Variants in NRIP1 observed in about 807,000 individuals in gnomAD.
NRIP1 encodes nuclear receptor interacting protein 1.
In NRIP1, 28 loss-of-function variants were observed where a neutral mutation model predicts 75.0. That is an observed-to-expected ratio of 0.37 (90% CI 0.28 to 0.51). The LOEUF is 0.51. Among genes scored for constraint, NRIP1 ranks in the 20% least tolerant of loss-of-function variants. The pLI is 0.92. For missense variants in NRIP1, 1,435 were observed against 1,343.7 expected (o/e 1.07, Z -1.06); for synonymous variants, 526 against 487.6 (o/e 1.08, Z -1.04).
intron 2 of NRIP1, among the ~76,000 whole-genome samples, chr21:15,020,051 A>G (rs771242227): frequency 6.6e-6 from 1 of 151,908 alleles, no homozygotes; most frequent in Non-Finnish European, 1.5e-5. Flanking sequence ...TAAGACGTCA[A>G]TTCTCCCTAC....
intron 3 of NRIP1, among the ~76,000 whole-genome samples, chr21:14,993,691 G>A (rs1371379010): frequency 3.3e-5 from 5 of 151,924 alleles, no homozygotes; most frequent in East Asian, 1.9e-4. Context: ...AGGCTGACAC[G>A]GAAGGATCGC....
intron 3 of NRIP1, among the ~76,000 whole-genome samples, chr21:15,010,106 T>G (rs2088067411): frequency 6.6e-6 from 1 of 152,124 alleles, no homozygotes; most frequent in South Asian, 2.1e-4. Context: ...GGTTTGAAAA[T>G]TACTCATATA....
At chr21:15,044,214 G>C (rs1490069111) in intron 1 of NRIP1, among the ~76,000 whole-genome samples, 2 of 151,784 alleles carry the variant, frequency 1.3e-5, no homozygotes, top group African/African-American at 2.4e-5. Context: ...TTCAGTCAAG[G>C]ATTCTGGGAG....
Position 15,008,636 on chromosome 21 carries a change from T to TA in NRIP1, c.-335+5707dup, listed in dbSNP as rs749585956. 5.3e-4 allele frequency among the ~76,000 whole-genome samples: 81 copies of TA among 151,626 alleles called. 1 individual carries two copies. Among genetic ancestry groups the TA allele is most frequent in the South Asian group, 8.4e-4 (4 of 4,778 alleles). Reference sequence around the variant, plus strand: ...GTAATATGATACACCGTGCAGTTATTAAAAAAAAACTTATTAGTCTACAAA... The same window carrying TA: ...GTAATATGATACACCGTGCAGTTATTAAAAAAAAAACTTATTAGTCTACAAA... On this transcript the variant is annotated intron_variant, in intron 3 of 3. Transcript: ENST00000318948.
At chr21:15,041,529 C>T (rs2088954380) in intron 2 of NRIP1, among the ~76,000 whole-genome samples, 1 of 152,096 alleles carries the variant, frequency 6.6e-6, no homozygotes, top group African/African-American at 2.4e-5. Context: ...ATTATGATTT[C>T]TTTTCAAAAT....
intron 2 of NRIP1, among the ~76,000 whole-genome samples, chr21:15,038,558 C>T (rs542050014): frequency 3.9e-5 from 6 of 151,970 alleles, no homozygotes; most frequent in Admixed American, 2.0e-4. Flanking sequence ...ATATTTATAC[C>T]TATAAGAAAA....
At chr21:15,017,650 C>A (rs1168285457) in intron 2 of NRIP1, among the ~76,000 whole-genome samples, 1 of 152,046 alleles carries the variant, frequency 6.6e-6, no homozygotes, top group Admixed American at 6.6e-5. Context: ...AATTCAAATC[C>A]CAGTATTTTG....
At chr21:15,034,821 T>G (rs1339219993) in intron 2 of NRIP1, among the ~76,000 whole-genome samples, 1 of 152,058 alleles carries the variant, frequency 6.6e-6, no homozygotes, top group African/African-American at 2.4e-5. Flanking sequence ...AATAAAAATG[T>G]GTGGAAGAAA....
chr21:14,966,474 C>G lies in NRIP1; in HGVS notation c.1719G>C (p.Leu573=). 1 of 1,614,008 alleles carries G rather than the reference C, an allele frequency of 6.2e-7. No homozygotes were observed. Among genetic ancestry groups the G allele is most frequent in the Non-Finnish European group, 8.5e-7 (1 of 1,179,974 alleles). Residue 573 remains leucine (L), a synonymous_variant, in exon 4 of 4, where the codon CTG becomes CTC. Coordinates refer to ENST00000318948, the MANE Select transcript of NRIP1 (RefSeq NM_003489.4). The part of the protein sequence containing the change: ...GSPINLSQHS[L]VIKWNSPPYV... ...ATGGTGGGGAATTCCATTTGATGAC[C>G]AGAGAGTGTTGAGAGAGATTGATGG... is the stretch of plus-strand genomic sequence containing the variant.
At chr21:14,968,784 T>C (rs1158693083) in intron 3 of NRIP1, among the ~76,000 whole-genome samples, 2 of 152,188 alleles carry the variant, frequency 1.3e-5, no homozygotes, top group Non-Finnish European at 2.9e-5. Context: ...CATACTTTAA[T>C]GTTACATAGC....
chr21:14,982,698 GTTTT>G (rs1161946340), intron 3 of NRIP1, among the ~76,000 whole-genome samples: 2 of 76,300 alleles, frequency 2.6e-5, no homozygotes, highest in African/African-American at 1.2e-4. Context: ...TTATTGTGGG[GTTTT>G]TTTTTGTTTT....
intron 2 of NRIP1, among the ~76,000 whole-genome samples, chr21:15,031,624 TAC>T (rs2088695372): frequency 9.3e-6 from 1 of 108,070 alleles, no homozygotes; most frequent in Non-Finnish European, 1.8e-5. Context: ...TCTATGTGTA[TAC>T]ACTCTGGAAG....
chr21:14,990,515 G>A (rs1369850969), intron 3 of NRIP1, among the ~76,000 whole-genome samples: 1 of 152,124 alleles, frequency 6.6e-6, no homozygotes, highest in African/African-American at 2.4e-5. Flanking sequence ...AGTGTAGAGG[G>A]AATGTCTTTT....
rs758909953 is a variant in NRIP1, at chr21:14,966,345, A to T, written c.1848T>A (p.Asn616Lys). ...KDPPGEKPAQ[N>K]EGAQNSATFS... ...ACGTTGCAGAGTTCTGTGCACCTTC[A>T]TTTTGGGCTGGTTTCTCTCCTGGTG... Residue 616 changes from asparagine (N) to lysine (K), a missense_variant, in exon 4 of 4, where the codon AAT becomes AAA. By Grantham distance (94) the Asn-to-Lys change is moderately conservative. Coordinates refer to ENST00000318948, the MANE Select transcript of NRIP1 (RefSeq NM_003489.4). The T allele has an allele frequency of 5.0e-6, 8 of 1,613,904 alleles. No homozygotes were observed. In the East Asian group the frequency reaches 1.8e-4, roughly 36 times the overall value.
At chr21:15,012,033 C>CA (rs1170712558) in intron 3 of NRIP1, among the ~76,000 whole-genome samples, 1 of 151,508 alleles carries the variant, frequency 6.6e-6, no homozygotes, top group Non-Finnish European at 1.5e-5. Context: ...AGCTTTCAGT[C>CA]AAAAAAAATT....
chr21:15,023,175 A>C (rs1385084207), intron 2 of NRIP1, among the ~76,000 whole-genome samples: 2 of 152,202 alleles, frequency 1.3e-5, no homozygotes, highest in Non-Finnish European at 2.9e-5. Context: ...GAACATAAAA[A>C]CTACGGAACT....
chr21:15,020,022 T>C (rs1427984781), intron 2 of NRIP1, among the ~76,000 whole-genome samples: 1 of 152,100 alleles, frequency 6.6e-6, no homozygotes, highest in African/African-American at 2.4e-5. Context: ...ATTCAGTTGA[T>C]TGAAAGATCC....
At chr21:15,062,803 C>T (rs776716100) in intron 1 of NRIP1, among the ~76,000 whole-genome samples, 1 of 152,180 alleles carries the variant, frequency 6.6e-6, no homozygotes, top group African/African-American at 2.4e-5. Context: ...GCACTTATAA[C>T]TGCAAGAGTC....
chr21:14,971,040 G>A (rs3787575), intron 3 of NRIP1, among the ~76,000 whole-genome samples: 6 of 152,086 alleles, frequency 3.9e-5, no homozygotes, highest in African/African-American at 1.4e-4. Flanking sequence ...CAGATATTAA[G>A]AATAATCATC....
Sources: gnomAD v4.1 joint callset for allele counts (sites outside exome capture counted in the v4.1 genomes callset) on GRCh38, gnomAD v4.1.1 for gene constraint, MANE v1.5 for transcripts, NCBI Gene and HGNC (gene_info 2026-07-23, HGNC 2026-07-21) for gene names.